ZNF609: variants seen among roughly 807,000 people sequenced by gnomAD.
ZNF609 encodes the protein zinc finger protein 609.
A neutral mutation model predicts 109.5 loss-of-function variants in ZNF609; 11 were observed. The observed-to-expected ratio is 0.10, with a 90% CI of 0.06 to 0.17. ZNF609 has a LOEUF of 0.17. Among genes scored for constraint, ZNF609 ranks in the 10% least tolerant of loss-of-function variants. The pLI, the probability that ZNF609 is intolerant of heterozygous loss-of-function variation, is 1.00. For missense variants in ZNF609, 1,559 were observed against 1,772.4 expected, an observed-to-expected ratio of 0.88 and a Z score of 2.16; for synonymous variants, 646 against 662.0, an observed-to-expected ratio of 0.98 and a Z score of 0.37.
chr15:64,600,217 A>G (rs1895471931), intron 2 of ZNF609, among the ~76,000 whole-genome samples: 1 of 151,768 alleles, frequency 6.6e-6, no homozygotes, highest in Non-Finnish European at 1.5e-5. Context: ...TTGGGAGGCC[A>G]AGGCTGGCGG....
intron 2 of ZNF609, 70 bp downstream of exon 2, chr15:64,500,236 C>T: frequency 6.4e-7 from 1 of 1,563,502 alleles, no homozygotes; most frequent in Non-Finnish European, 8.7e-7. Flanking sequence ...CTGCCAAATA[C>T]TATGTGTACT....
intron 3 of ZNF609, among the ~76,000 whole-genome samples, chr15:64,669,756 C>A (rs1178444750): frequency 6.6e-6 from 1 of 152,128 alleles, no homozygotes; most frequent in East Asian, 1.9e-4. Flanking sequence ...CAAACTCCAC[C>A]TCCTGGGTTC....
intron 2 of ZNF609, among the ~76,000 whole-genome samples, chr15:64,587,090 C>T (rs1595729076): frequency 6.6e-6 from 1 of 152,324 alleles, no homozygotes; most frequent in Middle Eastern, 3.4e-3. Context: ...GGAGAGGCTA[C>T]TCTACAGAAC....
intron 1 of ZNF609, among the ~76,000 whole-genome samples, chr15:64,462,538 G>A (rs2140324808): frequency 6.6e-6 from 1 of 152,312 alleles, no homozygotes; most frequent in East Asian, 1.9e-4. Flanking sequence ...GGAGAATGAA[G>A]CCAGAGGATG....
chr15:64,654,988 C>T (rs542389955), intron 3 of ZNF609, among the ~76,000 whole-genome samples: 50 of 151,382 alleles, frequency 3.3e-4, no homozygotes, highest in Admixed American at 1.1e-3. Flanking sequence ...CCCAGCTACT[C>T]GGGAGGTTGA....
At chr15:64,591,740 G>C (rs55958113) in intron 2 of ZNF609, among the ~76,000 whole-genome samples, 7,280 of 141,370 alleles carry the variant, frequency 0.051, 234 homozygotes, top group South Asian at 0.091. Flanking sequence ...TTTTTTTTTT[G>C]AGACAGAGTC....
chr15:64,467,380 T>C (rs1893030122), intron 1 of ZNF609, among the ~76,000 whole-genome samples: 1 of 152,240 alleles, frequency 6.6e-6, no homozygotes, highest in South Asian at 2.1e-4. Context: ...TTCTTCTTGA[T>C]TGTGGGCATC....
At chr15:64,602,746 G>A (rs1162482816) in intron 2 of ZNF609, among the ~76,000 whole-genome samples, 12 of 110,936 alleles carry the variant, frequency 1.1e-4, no homozygotes, top group Admixed American at 2.3e-4. Context: ...TTTTTGAGAC[G>A]GAGTCTTGCT....
intron 8 of ZNF609, 119 bp downstream of exon 8, chr15:64,680,981 A>ATTT: frequency 3.2e-6 from 3 of 932,448 alleles, no homozygotes; most frequent in Non-Finnish European, 2.9e-6. Context: ...TCCTTTTTTA[A>ATTT]TTTTTTTTTT....
At chr15:64,673,504 A>G (rs1019598708) in intron 4 of ZNF609, among the ~76,000 whole-genome samples, 8 of 152,202 alleles carry the variant, frequency 5.3e-5, no homozygotes, top group African/African-American at 1.9e-4. Context: ...TGAGGTATGT[A>G]AGAAAAAGGC....
At chr15:64,462,712 A>G (rs1892961003) in intron 1 of ZNF609, among the ~76,000 whole-genome samples, 1 of 152,248 alleles carries the variant, frequency 6.6e-6, no homozygotes, top group Admixed American at 6.5e-5. Context: ...CTATCTGGGC[A>G]AGGGCTGTGG....
At position 64,520,226 on chromosome 15, in the gene ZNF609, G is replaced by A. The variant is rs186431915; in HGVS notation, c.747+20060G>A. On this transcript the variant is annotated intron_variant, in intron 2 of 9. Coordinates refer to ENST00000326648, the MANE Select transcript of ZNF609 (RefSeq NM_015042.2). ...CAACAACAACACTATTGGTATTTGG[G>A]GCTAGGGTAATTCTTTGTTGTTGGG... 4.4e-3 allele frequency among the ~76,000 whole-genome samples: 675 copies of A among 152,124 alleles called. 6 individuals are homozygous for A. The highest frequency in any genetic ancestry group is 0.014 in the Middle Eastern group (4 of 294).
Position 64,499,994 on chromosome 15 carries a change from G to A in ZNF609, c.575G>A (p.Gly192Glu). Residue 192 changes from glycine to glutamate, a missense_variant, in exon 2 of 10, where the codon GGA becomes GAA. Transcript: ENST00000326648. ...DPGVLQPVPL[G>E]GRGGQYDGSA... is the part of the protein sequence containing the mutation. Reference sequence around the variant, plus strand: ...GGGGTCCTCCAGCCAGTTCCCTTGGGAGGACGGGGTGGTCAGTATGATGGA... The same window carrying A: ...GGGGTCCTCCAGCCAGTTCCCTTGGAAGGACGGGGTGGTCAGTATGATGGA... 1 of 1,614,160 alleles carries A rather than the reference G, an allele frequency of 6.2e-7. No homozygotes were observed. Among genetic ancestry groups the A allele is most frequent in the Non-Finnish European group, 8.5e-7 (1 of 1,180,020 alleles).
chr15:64,584,465 T>A (rs1224362225), intron 2 of ZNF609, among the ~76,000 whole-genome samples: 1 of 151,920 alleles, frequency 6.6e-6, no homozygotes, highest in African/African-American at 2.4e-5. Flanking sequence ...CATCCCTGGC[T>A]CATTTTTGTA....
rs746953963 is a variant in ZNF609, at chr15:64,674,932, A to G, written c.2078A>G (p.Gln693Arg). 43 of 1,613,992 alleles carry G rather than the reference A, an allele frequency of 2.7e-5. No individual in the cohort carries two copies. The highest frequency in any genetic ancestry group is 3.5e-5 in the Non-Finnish European group (41 of 1,180,044). Reference protein sequence around the residue: ...SSSGLTATVAQAMPNSPQLKP... With the variant: ...SSSGLTATVARAMPNSPQLKP... ...TCAGGCTTGACCGCCACAGTGGCAC[A>G]AGCCATGCCCAACAGTCCCCAACTC... is the stretch of plus-strand genomic sequence containing the variant. The change falls in exon 5 of 10, where the codon CAA (glutamine) becomes CGA (arginine). Residue 693 changes from glutamine to arginine, a missense_variant. By Grantham distance (43) the Gln-to-Arg change is conservative. This residue lies in a region of ZNF609 where 1,204 missense variants were observed against 1,314.1 expected (regional missense o/e 0.92). Transcript: ENST00000326648.
intron 6 of ZNF609, among the ~76,000 whole-genome samples, chr15:64,679,316 G>A (rs1368478130): frequency 1.3e-5 from 2 of 152,134 alleles, no homozygotes; most frequent in African/African-American, 4.8e-5. Flanking sequence ...AGGTGATCCG[G>A]CTGCCTTGGC....
At position 64,586,597 on chromosome 15, in the gene ZNF609, G is replaced by A. The variant is rs760938054; in HGVS notation, c.748-36230G>A. 1.9e-4 allele frequency among the ~76,000 whole-genome samples: 29 copies of A among 152,234 alleles called. 1 individual carries two copies. Among genetic ancestry groups the A allele is most frequent in the South Asian group, 1.7e-3 (8 of 4,816 alleles). On this transcript the variant is annotated intron_variant, in intron 2 of 9. Transcript: ENST00000326648. ...CGTTCCTTATGTGAATCTAATGAAT[G>A]CCTGATGATCTGAGGTGGAACAGTT...
chr15:64,551,683 T>A (rs1202279786), intron 2 of ZNF609, among the ~76,000 whole-genome samples: 4 of 145,072 alleles, frequency 2.8e-5, no homozygotes, highest in Admixed American at 6.9e-5. Context: ...GAAAAGTAGA[T>A]GTCTCAGGGA....
intron 2 of ZNF609, among the ~76,000 whole-genome samples, chr15:64,587,738 C>T (rs1031694521): frequency 6.6e-6 from 1 of 152,030 alleles, no homozygotes; most frequent in Admixed American, 6.6e-5. Context: ...GGTAGGGAAA[C>T]ACTATAAAAA....
Sources: allele counts gnomAD v4.1 joint callset (sites outside exome capture counted in the v4.1 genomes callset), GRCh38; gene constraint gnomAD v4.1.1; regional missense constraint gnomAD v4.1.1; transcripts MANE v1.5; gene names NCBI Gene and HGNC (gene_info 2026-07-23, HGNC 2026-07-21).